The following USP26 variants were observed in gnomAD, a reference collection of about 807,000 sequenced individuals.
USP26 encodes ubiquitin specific peptidase 26.
For missense variants in USP26, 649 were observed against 642.3 expected (o/e 1.01, Z -0.11); for synonymous variants, 236 against 240.6 (o/e 0.98, Z 0.18).
intron 5 of USP26, among the ~76,000 whole-genome samples, chrX:133,048,083 C>T (rs2067446605): frequency 9.0e-6 from 1 of 111,668 alleles, no homozygotes; most frequent in Non-Finnish European, 1.9e-5. Context: ...CCCCCTCTCA[C>T]TAAGCCAGAC....
chrX:133,060,172 C>T (rs1450433880), intron 5 of USP26, among the ~76,000 whole-genome samples: 7 of 110,878 alleles, frequency 6.3e-5, no homozygotes. Flanking sequence ...CTCTAAGAGC[C>T]TGAAGCCCTC....
intron 5 of USP26, among the ~76,000 whole-genome samples, chrX:133,073,336 TAAAAAA>T (rs748725340): frequency 1.3e-5 from 1 of 74,910 alleles, no homozygotes. Context: ...TTCATGGGAC[TAAAAAA>T]AAAAAAAAAA....
At chrX:133,048,768 G>A (rs930063595) in intron 5 of USP26, among the ~76,000 whole-genome samples, 6 of 107,078 alleles carry the variant, frequency 5.6e-5, no homozygotes, top group African/African-American at 1.7e-4. Context: ...GGATGGTCTC[G>A]ATCTCCTGAC....
chrX:133,085,217 G>A (rs776033098), intron 4 of USP26, among the ~76,000 whole-genome samples: 2 of 112,366 alleles, frequency 1.8e-5, no homozygotes, highest in Non-Finnish European at 3.8e-5. Flanking sequence ...TTATAGGCAT[G>A]AGCCACTGCG....
chrX:133,072,908 T>C (rs1483893729), intron 5 of USP26, among the ~76,000 whole-genome samples: 1 of 112,389 alleles, frequency 8.9e-6, no homozygotes, highest in African/African-American at 3.2e-5. Context: ...CCAACTTGGT[T>C]CATAACTGTT....
chrX:133,086,261 T>C (rs1569511105), intron 4 of USP26, among the ~76,000 whole-genome samples: 1 of 112,132 alleles, frequency 8.9e-6, no homozygotes, highest in Non-Finnish European at 1.9e-5. Flanking sequence ...TGCATGGTGG[T>C]AGGAGATACT....
intron 5 of USP26, among the ~76,000 whole-genome samples, chrX:133,048,282 G>C (rs2067447074): frequency 8.9e-6 from 1 of 111,813 alleles, no homozygotes; most frequent in Admixed American, 9.5e-5. Context: ...TAATTATAAA[G>C]TAATTAATTC....
At chrX:133,057,860 A>ATATATATATATAT (rs2067480723) in intron 5 of USP26, among the ~76,000 whole-genome samples, 1 of 19,251 alleles carries the variant, frequency 5.2e-5, no homozygotes, top group African/African-American at 3.9e-4. Context: ...ATATATATAT[A>ATATATATATATAT]TATATATTTT....
intron 5 of USP26, among the ~76,000 whole-genome samples, chrX:133,028,842 C>T (rs2067365872): frequency 8.9e-6 from 1 of 111,921 alleles, no homozygotes; most frequent in Non-Finnish European, 1.9e-5. Flanking sequence ...CATATATGGG[C>T]CACTCAAAGT....
chrX:133,078,966 AG>A (rs1187503515), intron 5 of USP26, among the ~76,000 whole-genome samples: 1 of 112,284 alleles, frequency 8.9e-6, no homozygotes, highest in Non-Finnish European at 1.9e-5. Context: ...TGTTCATTTC[AG>A]AAACTTCCAG....
chrX:133,042,021 G>A (rs926492407), intron 5 of USP26, among the ~76,000 whole-genome samples: 4 of 111,616 alleles, frequency 3.6e-5, no homozygotes, highest in East Asian at 5.7e-4. Flanking sequence ...GGGTAAAACC[G>A]CCTACTAAAG....
Position 133,033,262 on chromosome X carries a change from C to A in USP26, c.-76-4966G>T, listed in dbSNP as rs541642244. Among the ~76,000 whole-genome samples the A allele has an allele frequency of 1.1e-4, 12 of 112,034 alleles. No individual in the cohort carries two copies. In the South Asian group the frequency reaches 4.1e-3, roughly 38 times the overall value. ...GCTTTTCAAAATGATTGGATCAGGG[C>A]AGACTTTCTTTTTCTTTCTCTAGTT... is the stretch of plus-strand genomic sequence containing the variant. On this transcript the variant is annotated intron_variant, in intron 5 of 5. Coordinates refer to ENST00000511190, the MANE Select transcript of USP26 (RefSeq NM_031907.3).
chrX:133,043,623 C>T (rs1014054948), intron 5 of USP26, among the ~76,000 whole-genome samples: 2 of 112,544 alleles, frequency 1.8e-5, no homozygotes, highest in African/African-American at 6.4e-5. Context: ...CAAGTGCTTC[C>T]TGCTGGGAGC....
intron 5 of USP26, among the ~76,000 whole-genome samples, chrX:133,053,849 T>G (rs1490576651): frequency 9.0e-6 from 1 of 111,515 alleles, no homozygotes; most frequent in African/African-American, 3.3e-5. Context: ...GTTTTAAGTG[T>G]TTGAACCAAG....
intron 5 of USP26, among the ~76,000 whole-genome samples, chrX:133,081,104 A>G (rs2067568634): frequency 9.0e-6 from 1 of 110,700 alleles, no homozygotes; most frequent in Non-Finnish European, 1.9e-5. Flanking sequence ...GAACTCATGA[A>G]GCTCATATGC....
intron 5 of USP26, among the ~76,000 whole-genome samples, chrX:133,062,041 G>A (rs774521605): frequency 8.9e-6 from 1 of 111,985 alleles, no homozygotes; most frequent in Non-Finnish European, 1.9e-5. Flanking sequence ...CAGCACAGCA[G>A]TCTGAAGTCG....
intron 5 of USP26, among the ~76,000 whole-genome samples, chrX:133,073,890 C>T (rs1435153810): frequency 9.0e-6 from 1 of 111,337 alleles, no homozygotes; most frequent in Non-Finnish European, 1.9e-5. Flanking sequence ...CACCGAGATT[C>T]CTGACCTAGT....
chrX:133,071,609 C>CA (rs1455148789), intron 5 of USP26, among the ~76,000 whole-genome samples: 1 of 111,410 alleles, frequency 9.0e-6, no homozygotes, highest in Admixed American at 9.5e-5. Flanking sequence ...GGATTAACAA[C>CA]ATAATTAATT....
At chrX:133,047,225 C>T (rs1221328822) in intron 5 of USP26, among the ~76,000 whole-genome samples, 2 of 112,020 alleles carry the variant, frequency 1.8e-5, no homozygotes, top group African/African-American at 6.5e-5. Context: ...ACCATCCAAA[C>T]TCTACAAACT....
Sources: allele counts gnomAD v4.1 joint callset (sites outside exome capture counted in the v4.1 genomes callset), GRCh38; gene constraint gnomAD v4.1.1; transcripts MANE v1.5; gene names NCBI Gene and HGNC (gene_info 2026-07-23, HGNC 2026-07-21).